GSX1: variants seen among roughly 807,000 people sequenced by gnomAD.
GSX1 encodes the protein GS homeo box protein 1.
A neutral mutation model predicts 17.7 loss-of-function variants in GSX1; 13 were observed. That is an observed-to-expected ratio of 0.74 (90% CI 0.48 to 1.17). The LOEUF is 1.17. Ranked by LOEUF, GSX1 falls within the 50% of genes most tolerant of loss-of-function variation. GSX1 has a pLI of 0.00. For synonymous variants in GSX1, 202 were observed against 176.2 expected, an observed-to-expected ratio of 1.15 and a Z score of -1.16; for missense variants, 371 against 372.1, an observed-to-expected ratio of 1.00 and a Z score of 0.02.
In GSX1 at chr13:27,794,038, A is replaced by G; in HGVS notation, c.*90A>G. On this transcript the variant is annotated 3_prime_UTR_variant, in exon 2 of 2. Coordinates refer to ENST00000302945, the MANE Select transcript of GSX1 (RefSeq NM_145657.3). ...TCAGCGCTGATTCCCAGGCACCCGC[A>G]GCCAAACCACTGCCTGGCATGGATT... The G allele has an allele frequency of 7.2e-7, 1 of 1,388,742 alleles. No individual in the cohort carries two copies. The highest frequency in any genetic ancestry group is 1.4e-5 in the South Asian group (1 of 70,896). The allele number at this position is 1,388,742 out of a possible 1,614,324, so 86.0% of individuals were successfully genotyped here. A position where few individuals can be genotyped will look rare whatever the true frequency, so the allele number is the denominator to read the frequency against.
chr13:27,793,992 C>T lies in GSX1; in HGVS notation c.*44C>T, dbSNP rs748840428. On this transcript the variant is annotated 3_prime_UTR_variant, in exon 2 of 2. Coordinates refer to ENST00000302945, the MANE Select transcript of GSX1 (RefSeq NM_145657.3). The surrounding 1 kb of genome is among the most constrained non-coding windows in gnomAD (Gnocchi z 6.2). ...CGCCCACCCCAAGACCTCCCTGCGCCTCGGAGACTAGTCCTGGGACTCAGC... is the reference window on the plus strand; with the variant it reads ...CGCCCACCCCAAGACCTCCCTGCGCTTCGGAGACTAGTCCTGGGACTCAGC... The T allele has an allele frequency of 1.4e-5, 21 of 1,513,292 alleles. No homozygotes were observed. The highest frequency in any genetic ancestry group is 2.3e-5 in the East Asian group (1 of 44,034). The allele number at this position is 1,513,292 out of a possible 1,614,324, so 93.7% of individuals were successfully genotyped here.
Position 27,793,544 on chromosome 13 carries a change from T to C in GSX1, c.413-22T>C, listed in dbSNP as rs200276093. The C allele has an allele frequency of 1.8e-4, 289 of 1,594,776 alleles. 1 individual carries two copies. The highest frequency in any genetic ancestry group is 4.1e-4 in the Admixed American group (24 of 59,146). ...ACAGCACAGAGGTCTGATCGCTTCC[T>C]TCTCTGCTCTGCCACCTCCAGACAG... On this transcript the variant is annotated intron_variant, in intron 1 of 1. Transcript: ENST00000302945. The surrounding 1 kb of genome is among the most constrained non-coding windows in gnomAD (Gnocchi z 6.2).
Position 27,793,535 on chromosome 13 carries a change from A to T in GSX1, c.413-31A>T. 6.3e-7 allele frequency: 1 copy of T among 1,585,128 alleles called. No homozygotes were observed. Among genetic ancestry groups the T allele is most frequent in the Non-Finnish European group, 8.6e-7 (1 of 1,168,368 alleles). Reference sequence around the variant, plus strand: ...ATTGGGTCCACAGCACAGAGGTCTGATCGCTTCCTTCTCTGCTCTGCCACC... The same window carrying T: ...ATTGGGTCCACAGCACAGAGGTCTGTTCGCTTCCTTCTCTGCTCTGCCACC... On this transcript the variant is annotated intron_variant, in intron 1 of 1. Coordinates refer to ENST00000302945, the MANE Select transcript of GSX1 (RefSeq NM_145657.3). The surrounding 1 kb of genome is among the most constrained non-coding windows in gnomAD (Gnocchi z 6.2).
At position 27,793,884 on chromosome 13, in the gene GSX1, A is replaced by C; in HGVS notation, c.731A>C (p.Asp244Ala). ...TCAGCCAAGTGCTCCGAGGATGACG[A>C]CGAATTGCCCATGTCTCCGTCCTCC... ...LSSAKCSEDD[D>A]ELPMSPSSSG... The change falls in exon 2 of 2, where the codon GAC becomes GCC. Residue 244 changes from aspartate (D) to alanine (A), a missense_variant. This residue lies in a region of GSX1 where 92 missense variants were observed against 70.0 expected (regional missense o/e 1.31). Transcript: ENST00000302945. This position sits in a 1 kb window ranked among gnomAD's most constrained non-coding sequence, Gnocchi z 6.2. 6.3e-7 allele frequency: 1 copy of C among 1,591,728 alleles called. No homozygotes were observed. Among genetic ancestry groups the C allele is most frequent in the Non-Finnish European group, 8.6e-7 (1 of 1,167,246 alleles).
rs1422509803 is a variant in GSX1, at chr13:27,793,588, C to T, written c.435C>T (p.Pro145=). 5 of 1,613,060 alleles carry T rather than the reference C, an allele frequency of 3.1e-6. No individual in the cohort carries two copies. Among genetic ancestry groups the T allele is most frequent in the Non-Finnish European group, 4.2e-6 (5 of 1,179,726 alleles). The change falls in exon 2 of 2, where the codon CCC becomes CCT. Residue 145 remains proline, a synonymous_variant. Transcript: ENST00000302945. The surrounding 1 kb of genome is among the most constrained non-coding windows in gnomAD (Gnocchi z 6.2). ...CAGACAGCAGCTCTAACCAGCTGCC[C>T]AGCAGCAAGAGGATGCGCACGGCTT... ...ISVDSSSNQL[P]SSKRMRTAFT...
rs2138645808 is a variant in GSX1 at position 27,794,196 on chromosome 13, A to G, written c.*248A>G. ...AAGCTGTGAACACTGTAAGCGCTCG[A>G]GTCCTCCTGGGCAGTGCAGCACCGC... On this transcript the variant is annotated 3_prime_UTR_variant, in exon 2 of 2. Coordinates refer to ENST00000302945, the MANE Select transcript of GSX1 (RefSeq NM_145657.3). 1 of 499,604 alleles carries G rather than the reference A, an allele frequency of 2.0e-6. No individual in the cohort carries two copies. Among genetic ancestry groups the G allele is most frequent in the South Asian group, 3.3e-5 (1 of 30,418 alleles). 30.9% of individuals were successfully genotyped at this position (499,604 alleles called of 1,614,324 possible).
In GSX1 at chr13:27,792,965, A is replaced by T; in HGVS notation, c.275A>T (p.His92Leu). 6.5e-7 allele frequency: 1 copy of T among 1,546,984 alleles called. No individual in the cohort carries two copies. The highest frequency in any genetic ancestry group is 8.7e-7 in the Non-Finnish European group (1 of 1,153,054). Residue 92 changes from histidine to leucine, a missense_variant, in exon 1 of 2, where the codon CAC becomes CTC. By Grantham distance (99) the His-to-Leu change is moderately conservative. Coordinates refer to ENST00000302945, the MANE Select transcript of GSX1 (RefSeq NM_145657.3). ...CCACCCTTCGGCTCGCAGTACTGCC[A>T]CGCGCCCCTGGGCCGCCAGCACTCT... ...SFPPFGSQYCHAPLGRQHSAV... is the reference protein window; with the variant it reads ...SFPPFGSQYCLAPLGRQHSAV...
Position 27,793,209 on chromosome 13 carries a change from G to T in GSX1, c.412+107G>T, listed in dbSNP as rs545524039. 7.2e-4 allele frequency: 903 copies of T among 1,260,036 alleles called. 2 individuals are homozygous for T. The highest frequency in any genetic ancestry group is 8.9e-4 in the Non-Finnish European group (840 of 944,964). The allele number at this position is 1,260,036 out of a possible 1,614,324, so 78.1% of individuals were successfully genotyped here. On this transcript the variant is annotated intron_variant, in intron 1 of 1. Transcript: ENST00000302945. The surrounding 1 kb of genome is among the most constrained non-coding windows in gnomAD (Gnocchi z 6.2). Reference sequence around the variant, plus strand: ...CCTGGGCTTTCTGGGGGCGGTGAGGGTCATGTCGGGGACTAAGGGGGGCGC... The same window carrying T: ...CCTGGGCTTTCTGGGGGCGGTGAGGTTCATGTCGGGGACTAAGGGGGGCGC...
Position 27,793,623 on chromosome 13 carries a change from C to G in GSX1, c.470C>G (p.Thr157Arg). Reference protein sequence around the residue: ...SKRMRTAFTSTQLLELEREFA... With the variant: ...SKRMRTAFTSRQLLELEREFA... ...AGGATGCGCACGGCTTTCACCAGCA[C>G]GCAGCTGCTAGAGCTGGAGCGCGAG... Residue 157 changes from threonine to arginine, a missense_variant, in exon 2 of 2, where the codon ACG becomes AGG. By Grantham distance (71) the Thr-to-Arg change is moderately conservative. Transcript: ENST00000302945. This position sits in a 1 kb window ranked among gnomAD's most constrained non-coding sequence, Gnocchi z 6.2. The G allele has an allele frequency of 6.2e-7, 1 of 1,614,140 alleles. No individual in the cohort carries two copies. Among genetic ancestry groups the G allele is most frequent in the Non-Finnish European group, 8.5e-7 (1 of 1,180,026 alleles).
rs1428143719 is a variant in GSX1 at position 27,793,953 on chromosome 13, G to A, written c.*5G>A. 1.9e-6 allele frequency: 3 copies of A among 1,543,770 alleles called. No individual in the cohort carries two copies. Among genetic ancestry groups the A allele is most frequent in the Non-Finnish European group, 1.7e-6 (2 of 1,143,918 alleles). On this transcript the variant is annotated 3_prime_UTR_variant, in exon 2 of 2. Transcript: ENST00000302945. This position sits in a 1 kb window ranked among gnomAD's most constrained non-coding sequence, Gnocchi z 6.2. ...GATCTTACGGTCACTCCCTAGGCGCGTGTCTCCCTAGGTCGCCCACCCCAA... is the reference window on the plus strand; with the variant it reads ...GATCTTACGGTCACTCCCTAGGCGCATGTCTCCCTAGGTCGCCCACCCCAA...
Position 27,792,674 on chromosome 13 carries a change from G to T in GSX1, c.-17G>T, listed in dbSNP as rs1263463718. The T allele has an allele frequency of 5.1e-6, 7 of 1,364,508 alleles. No individual in the cohort carries two copies. Among genetic ancestry groups the T allele is most frequent in the Non-Finnish European group, 6.6e-6 (7 of 1,067,296 alleles). 84.5% of individuals were successfully genotyped at this position (1,364,508 alleles called of 1,614,324 possible). A position where few individuals can be genotyped will look rare whatever the true frequency, so the allele number is the denominator to read the frequency against. The stretch of plus-strand genomic sequence containing the variant: ...GCAGAGGGCGGGCTGGCTGCGGGGC[G>T]ACCGCGCGCCGGGGCCATGCCGCGC... On this transcript the variant is annotated 5_prime_UTR_variant, in exon 1 of 2. Coordinates refer to ENST00000302945, the MANE Select transcript of GSX1 (RefSeq NM_145657.3).
Position 27,793,518 on chromosome 13 carries a change from C to T in GSX1, c.413-48C>T, listed in dbSNP as rs1957079755. ...CGACCGCCTACCAAGGGATTGGGTC[C>T]ACAGCACAGAGGTCTGATCGCTTCC... On this transcript the variant is annotated intron_variant, in intron 1 of 1. Coordinates refer to ENST00000302945, the MANE Select transcript of GSX1 (RefSeq NM_145657.3). The surrounding 1 kb of genome is among the most constrained non-coding windows in gnomAD (Gnocchi z 6.2). 6.4e-7 allele frequency: 1 copy of T among 1,554,306 alleles called. No individual in the cohort carries two copies. Among genetic ancestry groups the T allele is most frequent in the African/African-American group, 1.4e-5 (1 of 73,682 alleles).
Position 27,792,593 on chromosome 13 carries a change from G to A in GSX1, c.-98G>A. On this transcript the variant is annotated 5_prime_UTR_variant, in exon 1 of 2. Coordinates refer to ENST00000302945, the MANE Select transcript of GSX1 (RefSeq NM_145657.3). ...GCGTTCAGCCTCCTGGGCAGAGGCA[G>A]CTGCGGGATACCGCGGCCAGGGAAA... The A allele has an allele frequency of 9.5e-7, 1 of 1,055,508 alleles. No homozygotes were observed. The highest frequency in any genetic ancestry group is 1.3e-6 in the Non-Finnish European group (1 of 798,350). The allele number at this position is 1,055,508 out of a possible 1,614,324, so 65.4% of individuals were successfully genotyped here.
At position 27,794,379 on chromosome 13, in the gene GSX1, T is replaced by A. The variant is rs1316331766; in HGVS notation, c.*431T>A. On this transcript the variant is annotated 3_prime_UTR_variant, in exon 2 of 2. Transcript: ENST00000302945. ...TTGGATGCTCGTTCGCTTCTCTTTT[T>A]AAAATGTCTTTTTGTCCCTCCCCAC... The A allele has an allele frequency of 6.1e-6, 1 of 164,274 alleles. No homozygotes were observed. The highest frequency in any genetic ancestry group is 1.3e-5 in the Non-Finnish European group (1 of 76,960). 10.2% of individuals were successfully genotyped at this position (164,274 alleles called of 1,614,324 possible).
chr13:27,793,698 C>T lies in GSX1; in HGVS notation c.545C>T (p.Thr182Ile). The T allele has an allele frequency of 6.2e-7, 1 of 1,614,176 alleles. No individual in the cohort carries two copies. The highest frequency in any genetic ancestry group is 8.5e-7 in the Non-Finnish European group (1 of 1,180,040). Residue 182 changes from threonine (T) to isoleucine (I), a missense_variant, in exon 2 of 2, where the codon ACC becomes ATC. Physicochemically the swap from Thr to Ile is moderately conservative, Grantham distance 89. This residue lies in a region of GSX1 where 67 missense variants were observed against 108.1 expected (regional missense o/e 0.62). Coordinates refer to ENST00000302945, the MANE Select transcript of GSX1 (RefSeq NM_145657.3). This position sits in a 1 kb window ranked among gnomAD's most constrained non-coding sequence, Gnocchi z 6.2. The part of the protein sequence containing the change: ...LSRLRRIEIA[T>I]YLNLSEKQVK... Reference sequence around the variant, plus strand: ...CGCCTACGTCGCATCGAGATCGCGACCTACCTGAATCTGTCCGAGAAGCAG... The same window carrying T: ...CGCCTACGTCGCATCGAGATCGCGATCTACCTGAATCTGTCCGAGAAGCAG...
chr13:27,794,011 A>T lies in GSX1; in HGVS notation c.*63A>T. On this transcript the variant is annotated 3_prime_UTR_variant, in exon 2 of 2. Coordinates refer to ENST00000302945, the MANE Select transcript of GSX1 (RefSeq NM_145657.3). ...CTGCGCCTCGGAGACTAGTCCTGGGACTCAGCGCTGATTCCCAGGCACCCG... is the reference window on the plus strand; with the variant it reads ...CTGCGCCTCGGAGACTAGTCCTGGGTCTCAGCGCTGATTCCCAGGCACCCG... 1 of 1,491,990 alleles carries T rather than the reference A, an allele frequency of 6.7e-7. No individual in the cohort carries two copies. Among genetic ancestry groups the T allele is most frequent in the Non-Finnish European group, 8.9e-7 (1 of 1,119,202 alleles). 92.4% of individuals were successfully genotyped at this position (1,491,990 alleles called of 1,614,324 possible).
Position 27,793,605 on chromosome 13 carries a change from G to T in GSX1, c.452G>T (p.Arg151Leu), listed in dbSNP as rs1957080341. The T allele has an allele frequency of 6.2e-7, 1 of 1,613,896 alleles. No homozygotes were observed. Among genetic ancestry groups the T allele is most frequent in the Non-Finnish European group, 8.5e-7 (1 of 1,179,990 alleles). The change falls in exon 2 of 2, where the codon CGC becomes CTC. Residue 151 changes from arginine to leucine, a missense_variant. This residue lies in a region of GSX1 where 67 missense variants were observed against 108.1 expected (regional missense o/e 0.62). Coordinates refer to ENST00000302945, the MANE Select transcript of GSX1 (RefSeq NM_145657.3). This position sits in a 1 kb window ranked among gnomAD's most constrained non-coding sequence, Gnocchi z 6.2. ...CAGCTGCCCAGCAGCAAGAGGATGC[G>T]CACGGCTTTCACCAGCACGCAGCTG... is the stretch of plus-strand genomic sequence containing the variant. ...SNQLPSSKRM[R>L]TAFTSTQLLE...
chr13:27,793,154 A>T lies in GSX1; in HGVS notation c.412+52A>T. Reference sequence around the variant, plus strand: ...CCGGGCAGAGGTGATCCGAAGCAGGATGGAGAGCCAGAGATGGAGGAAGAG... The same window carrying T: ...CCGGGCAGAGGTGATCCGAAGCAGGTTGGAGAGCCAGAGATGGAGGAAGAG... On this transcript the variant is annotated intron_variant, in intron 1 of 1. Coordinates refer to ENST00000302945, the MANE Select transcript of GSX1 (RefSeq NM_145657.3). This position sits in a 1 kb window ranked among gnomAD's most constrained non-coding sequence, Gnocchi z 6.2. 1 of 1,443,592 alleles carries T rather than the reference A, an allele frequency of 6.9e-7. No individual in the cohort carries two copies. 89.4% of individuals were successfully genotyped at this position (1,443,592 alleles called of 1,614,324 possible). A position where few individuals can be genotyped will look rare whatever the true frequency, so the allele number is the denominator to read the frequency against.
At position 27,794,045 on chromosome 13, in the gene GSX1, C is replaced by T. The variant is rs1957085135; in HGVS notation, c.*97C>T. 2 of 1,337,198 alleles carry T rather than the reference C, an allele frequency of 1.5e-6. No individual in the cohort carries two copies. The highest frequency in any genetic ancestry group is 2.0e-6 in the Non-Finnish European group (2 of 988,462). 82.8% of individuals were successfully genotyped at this position (1,337,198 alleles called of 1,614,324 possible). On this transcript the variant is annotated 3_prime_UTR_variant, in exon 2 of 2. Coordinates refer to ENST00000302945, the MANE Select transcript of GSX1 (RefSeq NM_145657.3). ...TGATTCCCAGGCACCCGCAGCCAAACCACTGCCTGGCATGGATTTGGCACT... is the reference window on the plus strand; with the variant it reads ...TGATTCCCAGGCACCCGCAGCCAAATCACTGCCTGGCATGGATTTGGCACT...
Sources: allele counts gnomAD v4.1 joint callset, GRCh38; gene constraint gnomAD v4.1.1; regional missense constraint gnomAD v4.1.1; non-coding constraint Gnocchi (gnomAD v3.1); transcripts MANE v1.5; gene names NCBI Gene and HGNC (gene_info 2026-07-23, HGNC 2026-07-21).